The following SI variants were observed in gnomAD, a reference collection of about 807,000 sequenced individuals.
SI encodes sucrase-isomaltase, intestinal.
In SI, 235 loss-of-function variants were observed where a neutral mutation model predicts 253.3. The ratio of observed to expected loss-of-function variants is 0.93; its 90% CI spans 0.83 to 1.03. The LOEUF is 1.03. SI is among the 50% of genes least tolerant of loss of function. SI has a pLI of 0.00. For synonymous variants in SI, 819 were observed against 712.0 expected (o/e 1.15, Z -2.39); for missense variants, 2,442 against 2,211.1 (o/e 1.10, Z -2.09).
chr3:164,994,210 G>A (rs1717907352), intron 41 of SI, 47 bp downstream of exon 41: 1 of 1,560,364 alleles, frequency 6.4e-7, no homozygotes, highest in Non-Finnish European at 8.8e-7. Context: ...GGTAAATTAA[G>A]TGAAAAGTAT....
chr3:164,992,484 A>G, intron 41 of SI, 87 bp from the exon 42 acceptor site: 2 of 914,200 alleles, frequency 2.2e-6, no homozygotes, highest in Non-Finnish European at 3.4e-6. Context: ...TACATTTTGT[A>G]GTATGGACTT....
chr3:164,995,130 G>GT (rs1717950366), intron 40 of SI, among the ~76,000 whole-genome samples: 1 of 151,748 alleles, frequency 6.6e-6, no homozygotes, highest in Non-Finnish European at 1.5e-5. Flanking sequence ...ACATTTAAAT[G>GT]TTTTTCGTTG....
chr3:165,079,011 A>G (rs1236854308), upstream of SI, among the ~76,000 whole-genome samples: 1 of 151,674 alleles, frequency 6.6e-6, no homozygotes, highest in Non-Finnish European at 1.5e-5. Flanking sequence ...CATAAAATAG[A>G]GGTGCCCAGA....
chr3:165,017,507 G>C (rs1419292441), intron 31 of SI, 41 bp downstream of exon 31: 1 of 1,573,914 alleles, frequency 6.4e-7, no homozygotes, highest in East Asian at 2.3e-5. Context: ...CTACTTTTAC[G>C]TATTCCATAT....
intron 33 of SI, among the ~76,000 whole-genome samples, chr3:165,013,387 T>C (rs1718862651): frequency 6.6e-6 from 1 of 152,156 alleles, no homozygotes; most frequent in South Asian, 2.1e-4. Flanking sequence ...TAGAATTATT[T>C]GTAGAATTAC....
intron 16 of SI, among the ~76,000 whole-genome samples, chr3:165,045,651 G>A (rs150361904): frequency 4.7e-4 from 72 of 151,584 alleles, no homozygotes; most frequent in Non-Finnish European, 7.8e-4. Context: ...TTAAATTCAT[G>A]CACTTCACTC....
chr3:165,075,413 T>C (rs557869322), intron 2 of SI, among the ~76,000 whole-genome samples: 178 of 152,044 alleles, frequency 1.2e-3, no homozygotes, highest in African/African-American at 4.1e-3. Context: ...AAACAGATAA[T>C]TAAACTATCC....
intron 25 of SI, among the ~76,000 whole-genome samples, chr3:165,027,416 A>G (rs1711987216): frequency 6.6e-6 from 1 of 151,254 alleles, no homozygotes; most frequent in African/African-American, 2.4e-5. Context: ...GTTATTCCAC[A>G]AGAAAGAGAA....
chr3:164,989,380 GAAA>G (rs1717603719), intron 44 of SI, among the ~76,000 whole-genome samples: 1 of 79,428 alleles, frequency 1.3e-5, no homozygotes, highest in Non-Finnish European at 2.9e-5. Context: ...AAGGAAGAAA[GAAA>G]GAAAGGAAGA....
At position 164,998,455 on chromosome 3, in the gene SI, T is replaced by C. The variant is rs1042976398; in HGVS notation, c.4540+85A>G. 3.0e-5 allele frequency: 42 copies of C among 1,413,826 alleles called. 1 individual carries two copies. The Admixed American group carries it at 6.7e-4, about 23-fold the overall frequency. The allele number at this position is 1,413,826 out of a possible 1,614,324, so 87.6% of individuals were successfully genotyped here. A position where few individuals can be genotyped will look rare whatever the true frequency, so the allele number is the denominator to read the frequency against. On this transcript the variant is annotated intron_variant, in intron 38 of 47. Coordinates refer to ENST00000264382, the MANE Select transcript of SI (RefSeq NM_001041.4). ...TGTGAAGAACAAAATTCTGAGGACTTATAAATGTTATGACCTAGCACCAGC... is the reference window on the plus strand; with the variant it reads ...TGTGAAGAACAAAATTCTGAGGACTCATAAATGTTATGACCTAGCACCAGC...
At position 164,978,927 on chromosome 3, in the gene SI, A is replaced by C. The variant is rs1278057428; in HGVS notation, c.*435T>G. On this transcript the variant is annotated 3_prime_UTR_variant, in exon 48 of 48. Coordinates refer to ENST00000264382, the MANE Select transcript of SI (RefSeq NM_001041.4). ...CTTACATTTTTTATTCTCTTTTTCT[A>C]ATTAAATGCACATACTAAGAAGTAA... 1 of 152,660 alleles carries C rather than the reference A, an allele frequency of 6.6e-6. No individual in the cohort carries two copies. The highest frequency in any genetic ancestry group is 1.5e-5 in the Non-Finnish European group (1 of 68,492). 9.5% of individuals were successfully genotyped at this position (152,660 alleles called of 1,614,324 possible).
chr3:165,033,259 G>A (rs1338740532), intron 23 of SI, 136 bp downstream of exon 23: 1 of 619,720 alleles, frequency 1.6e-6, no homozygotes, highest in Non-Finnish European at 2.4e-6. Context: ...CAATTTAATT[G>A]AACAATTTAT....
chr3:165,055,347 G>T (rs1713644018), intron 12 of SI, 40 bp from the exon 13 acceptor site: 4 of 1,046,842 alleles, frequency 3.8e-6, no homozygotes, highest in Non-Finnish European at 5.9e-6. Context: ...ATAAAAAATA[G>T]AAAAATAAAT....
At chr3:165,062,540 A>C (rs1022606833) in intron 8 of SI, 57 bp from the exon 9 acceptor site, 1 of 843,656 alleles carries the variant, frequency 1.2e-6, no homozygotes, top group Non-Finnish European at 2.1e-6. Context: ...TATAGTAATT[A>C]ATTGCAAAGT....
chr3:165,063,370 T>C, intron 8 of SI, 72 bp downstream of exon 8: 1 of 740,472 alleles, frequency 1.4e-6, no homozygotes, highest in South Asian at 1.5e-5. Flanking sequence ...ATATGAATGA[T>C]TGAAATAAAG....
chr3:165,014,388 A>G (rs1363539619), intron 33 of SI, among the ~76,000 whole-genome samples: 1 of 152,068 alleles, frequency 6.6e-6, no homozygotes, highest in Non-Finnish European at 1.5e-5. Context: ...AGCTGGGACT[A>G]CAGGCACCCG....
chr3:165,049,249 G>C lies in SI; in HGVS notation c.1598-5C>G. On this transcript the variant is annotated splice_region_variant and splice_polypyrimidine_tract_variant and intron_variant, in intron 14 of 47. Transcript: ENST00000264382. The stretch of plus-strand genomic sequence containing the variant: ...ACATGAGTTTGTCAAGAATATCTTT[G>C]AGAAAATACATAAGAAACATTTCTT... 1 of 1,456,914 alleles carries C rather than the reference G, an allele frequency of 6.9e-7. No individual in the cohort carries two copies. The highest frequency in any genetic ancestry group is 9.6e-7 in the Non-Finnish European group (1 of 1,038,052). 90.2% of individuals were successfully genotyped at this position (1,456,914 alleles called of 1,614,324 possible). A position where few individuals can be genotyped will look rare whatever the true frequency, so the allele number is the denominator to read the frequency against.
chr3:165,058,825 A>T (rs145044963), intron 12 of SI, 138 bp downstream of exon 12: 8,001 of 657,536 alleles, frequency 0.012, 125 homozygotes, highest in South Asian at 0.044. Context: ...TTTCTCCACA[A>T]TTAAAATATA....
chr3:164,998,572 G>A lies in SI; in HGVS notation c.4508C>T (p.Ala1503Val), dbSNP rs868014810. Residue 1503 changes from alanine to valine, a missense_variant, in exon 38 of 48, where the codon GCA becomes GTA. By Grantham distance (64) the Ala-to-Val change is moderately conservative. Coordinates refer to ENST00000264382, the MANE Select transcript of SI (RefSeq NM_001041.4). Reference sequence around the variant, plus strand: ...TGATTTGTCCATGTTGTCCCATCGTGCATAGTTGTCTCCAAGCCAGTGTCC... The same window carrying A: ...TGATTTGTCCATGTTGTCCCATCGTACATAGTTGTCTCCAAGCCAGTGTCC... ...WGGHWLGDNYARWDNMDKSII... is the reference protein window; with the variant it reads ...WGGHWLGDNYVRWDNMDKSII... 20 of 1,612,156 alleles carry A rather than the reference G, an allele frequency of 1.2e-5. No homozygotes were observed. In the Middle Eastern group the frequency reaches 2.6e-3, roughly 213 times the overall value.
Sources: allele counts gnomAD v4.1 joint callset (sites outside exome capture counted in the v4.1 genomes callset), GRCh38; gene constraint gnomAD v4.1.1; transcripts MANE v1.5; gene names NCBI Gene and HGNC (gene_info 2026-07-23, HGNC 2026-07-21).